IQCH: variants seen among roughly 807,000 people sequenced by gnomAD.
IQCH encodes IQ domain-containing protein H.
IQCH carries 98 observed loss-of-function variants against 117.0 expected under a neutral mutation model. The ratio of observed to expected loss-of-function variants is 0.84; its 90% confidence interval spans 0.71 to 0.99. The LOEUF (loss-of-function observed/expected upper bound fraction) is 0.99. Among genes scored for constraint, IQCH ranks in the 50% least tolerant of loss-of-function variants. IQCH has a pLI of 0.00. For synonymous variants in IQCH, 412 were observed against 448.2 expected, an observed-to-expected ratio of 0.92 and a Z score of 1.02; for missense variants, 1,102 against 1,243.8, an observed-to-expected ratio of 0.89 and a Z score of 1.72.
chr15:67,497,337 GAAAGA>G (rs1411179462), intron 20 of IQCH, among the ~76,000 whole-genome samples: 3 of 151,442 alleles, frequency 2.0e-5, no homozygotes, highest in Non-Finnish European at 4.4e-5. Context: ...AAAAAAGAAA[GAAAGA>G]AAAGAAAATC....
rs867721979 is a variant in IQCH at position 67,454,718 on chromosome 15, T to C, written c.2506-10409T>C. On this transcript the variant is annotated intron_variant, in intron 16 of 20. Transcript: ENST00000335894. The surrounding 1 kb of genome is among the most constrained non-coding windows in gnomAD (Gnocchi z 5.2). ...ATGTTTTCAAGGTTCCATCATGTTG[T>C]AGCATATATCAATGCTTTGTTCCTT... 8.5e-5 allele frequency among the ~76,000 whole-genome samples: 13 copies of C among 152,376 alleles called. No individual in the cohort carries two copies. The South Asian group carries it at 1.0e-3, about 12-fold the overall frequency.
intron 4 of IQCH, among the ~76,000 whole-genome samples, chr15:67,299,047 T>TGG (rs372291112): frequency 2.1e-4 from 31 of 147,498 alleles, no homozygotes; most frequent in African/African-American, 7.5e-4. Context: ...AAAGAAAATG[T>TGG]GGCACTTACA....
rs1365151007 is a variant in IQCH, at chr15:67,342,271, A to C, written c.509-1792A>C. Among the ~76,000 whole-genome samples the C allele has an allele frequency of 3.3e-5, 5 of 152,176 alleles. No individual in the cohort carries two copies. The highest frequency in any genetic ancestry group is 4.4e-5 in the Non-Finnish European group (3 of 68,046). ...AACAGAATGAGACCCTGTCTCTAAA[A>C]AAGCAAAACAAAACAAAGATGCATA... On this transcript the variant is annotated intron_variant, in intron 5 of 20. Transcript: ENST00000335894. This position sits in a 1 kb window ranked among gnomAD's most constrained non-coding sequence, Gnocchi z 4.7.
rs940626155 is a variant in IQCH, at chr15:67,430,818, C to G, written c.2505+9241C>G. ...TGCAAAAGACATGGAAGTGCCTGCC[C>G]TTAGGGAGTTCACATTCTAGTTGGG... On this transcript the variant is annotated intron_variant, in intron 16 of 20. Coordinates refer to ENST00000335894, the MANE Select transcript of IQCH (RefSeq NM_001031715.3). The surrounding 1 kb of genome is among the most constrained non-coding windows in gnomAD (Gnocchi z 5.1). 7.9e-5 allele frequency among the ~76,000 whole-genome samples: 12 copies of G among 152,160 alleles called. No individual in the cohort carries two copies. Among genetic ancestry groups the G allele is most frequent in the Non-Finnish European group, 1.8e-4 (12 of 68,022 alleles).
At chr15:67,337,171 A>G in intron 5 of IQCH, 76 bp downstream of exon 5, 1 of 1,528,472 alleles carries the variant, frequency 6.5e-7, no homozygotes, top group Non-Finnish European at 8.9e-7. Context: ...GGAGGCCTGA[A>G]TTTGGACTCT....
intron 5 of IQCH, among the ~76,000 whole-genome samples, chr15:67,337,713 C>T (rs887658260): frequency 1.3e-5 from 2 of 152,050 alleles, no homozygotes; most frequent in African/African-American, 4.8e-5. Flanking sequence ...TAAGTGTAAC[C>T]ATCTCTACTG....
In IQCH at chr15:67,359,076, G is replaced by A. The variant is rs1970027978; in HGVS notation, c.715-771G>A. Among the ~76,000 whole-genome samples, 1 of 152,176 alleles carries A rather than the reference G, an allele frequency of 6.6e-6. No homozygotes were observed. Among genetic ancestry groups the A allele is most frequent in the South Asian group, 2.1e-4 (1 of 4,830 alleles). On this transcript the variant is annotated intron_variant, in intron 7 of 20. Transcript: ENST00000335894. This position sits in a 1 kb window ranked among gnomAD's most constrained non-coding sequence, Gnocchi z 4.5. ...TGTTTCAAATTCAGCTGTTTAACAG[G>A]CTGTGAGAAGGCCATGGGCTAATAT...
At chr15:67,264,837 GCTCT>G (rs146114667) in intron 3 of IQCH, among the ~76,000 whole-genome samples, 1 of 149,826 alleles carries the variant, frequency 6.7e-6, no homozygotes, top group South Asian at 2.1e-4. Flanking sequence ...TAGCTCACTC[GCTCT>G]CTCTCTCTCT....
Position 67,366,620 on chromosome 15 carries a change from A to G in IQCH, c.754-5491A>G, listed in dbSNP as rs565012619. ...TTTACGCTCAAGTCTCTTCTTTTAT[A>G]TATCTCTGCTCGATGAGTTCTGTTT... On this transcript the variant is annotated intron_variant, in intron 8 of 20. Coordinates refer to ENST00000335894, the MANE Select transcript of IQCH (RefSeq NM_001031715.3). This position sits in a 1 kb window ranked among gnomAD's most constrained non-coding sequence, Gnocchi z 4.4. Among the ~76,000 whole-genome samples the G allele has an allele frequency of 9.8e-5, 15 of 152,294 alleles. No individual in the cohort carries two copies. In the South Asian group the frequency reaches 2.9e-3, roughly 30 times the overall value.
Position 67,281,262 on chromosome 15 carries a change from ACCT to A in IQCH, c.387+1754_387+1756del, listed in dbSNP as rs1317266107. On this transcript the variant is annotated intron_variant, in intron 4 of 20. Transcript: ENST00000335894. Reference sequence around the variant, plus strand: ...CTAGGGTGTGGGCCATAGGCTCTTGACCTCCTAAAAGTTTGCTCAAAATCACTA... The same window carrying A: ...CTAGGGTGTGGGCCATAGGCTCTTGACCTAAAAGTTTGCTCAAAATCACTA... Among the ~76,000 whole-genome samples, 3 of 152,218 alleles carry A rather than the reference ACCT, an allele frequency of 2.0e-5. No homozygotes were observed. The East Asian group carries it at 5.8e-4, about 29-fold the overall frequency.
At chr15:67,372,057 TA>T in intron 8 of IQCH, 53 bp from the exon 9 acceptor site, 1 of 1,448,726 alleles carries the variant, frequency 6.9e-7, no homozygotes, top group East Asian at 2.3e-5. Context: ...ACCACTCATT[TA>T]AAGGAGATCA....
chr15:67,295,706 A>AT (rs1966848436), intron 4 of IQCH, among the ~76,000 whole-genome samples: 1 of 152,216 alleles, frequency 6.6e-6, no homozygotes, highest in Non-Finnish European at 1.5e-5. Flanking sequence ...GGTCACATAT[A>AT]GACAAATGAA....
Position 67,365,540 on chromosome 15 carries a change from G to T in IQCH, c.753+5655G>T, listed in dbSNP as rs181933078. ...GCAAACCTAGTCCTTGTCCTCTTGG[G>T]GTTTATATTTTAGTGAGAGAGGCAA... On this transcript the variant is annotated intron_variant, in intron 8 of 20. Coordinates refer to ENST00000335894, the MANE Select transcript of IQCH (RefSeq NM_001031715.3). The surrounding 1 kb of genome is among the most constrained non-coding windows in gnomAD (Gnocchi z 4.4). 1.8e-4 allele frequency among the ~76,000 whole-genome samples: 28 copies of T among 152,102 alleles called. No homozygotes were observed. The highest frequency in any genetic ancestry group is 6.8e-4 in the African/African-American group (28 of 41,464).
At chr15:67,418,513 C>CCACACACACA (rs368875296) in intron 15 of IQCH, among the ~76,000 whole-genome samples, 13,798 of 113,916 alleles carry the variant, frequency 0.12, 1,028 homozygotes, top group Non-Finnish European at 0.15. Context: ...CAAGTGGCTA[C>CCACACACACA]CACACACACA....
intron 18 of IQCH, among the ~76,000 whole-genome samples, chr15:67,483,418 G>A (rs2083389907): frequency 6.6e-6 from 1 of 152,232 alleles, no homozygotes; most frequent in Non-Finnish European, 1.5e-5. Flanking sequence ...TCTGGTGGCT[G>A]AGGCACAAGA....
intron 2 of IQCH, among the ~76,000 whole-genome samples, chr15:67,262,884 A>T (rs1229859183): frequency 1.3e-5 from 2 of 152,140 alleles, no homozygotes; most frequent in Admixed American, 6.5e-5. Flanking sequence ...CCTACTAAAA[A>T]AAAAACAAAA....
At chr15:67,418,235 G>A (rs186225660) in intron 15 of IQCH, among the ~76,000 whole-genome samples, 1 of 152,234 alleles carries the variant, frequency 6.6e-6, no homozygotes, top group Non-Finnish European at 1.5e-5. Flanking sequence ...ATGTATGAGA[G>A]TGTATGAAAG....
intron 20 of IQCH, among the ~76,000 whole-genome samples, chr15:67,499,463 G>A (rs570093855): frequency 6.6e-6 from 1 of 152,204 alleles, no homozygotes; most frequent in South Asian, 2.1e-4. Context: ...ACAAGTGTTG[G>A]TGAGGATACG....
intron 12 of IQCH, among the ~76,000 whole-genome samples, chr15:67,392,028 C>T (rs1485509657): frequency 2.6e-5 from 4 of 152,160 alleles, no homozygotes; most frequent in Non-Finnish European, 5.9e-5. Context: ...AAATGGGGAA[C>T]TTGTGGCAGC....
Sources: gnomAD v4.1 joint callset for allele counts (sites outside exome capture counted in the v4.1 genomes callset) on GRCh38, gnomAD v4.1.1 for gene constraint, Gnocchi (gnomAD v3.1) non-coding constraint, MANE v1.5 for transcripts, NCBI Gene and HGNC (gene_info 2026-07-23, HGNC 2026-07-21) for gene names.